ARFGEF3: variants seen among roughly 807,000 people sequenced by gnomAD.
The protein encoded by ARFGEF3 is brefeldin A-inhibited guanine nucleotide-exchange protein 3.
Under a neutral mutation model 221.7 loss-of-function variants are expected in ARFGEF3, and 96 were observed. That is an observed-to-expected ratio of 0.43 (90% confidence interval 0.37 to 0.51). The LOEUF (loss-of-function observed/expected upper bound fraction) is 0.51, where lower values mean the gene tolerates loss of function less well. Ranked by LOEUF, ARFGEF3 falls within the 20% of genes least tolerant of loss-of-function variation. ARFGEF3 has a pLI of 0.00. For missense variants in ARFGEF3, 2,410 were observed against 2,789.9 expected (o/e 0.86, Z 3.07); for synonymous variants, 1,145 against 1,126.8 (o/e 1.02, Z -0.32).
At chr6:138,197,240 A>G in intron 2 of ARFGEF3, among the ~76,000 whole-genome samples, 1 of 152,140 alleles carries the variant, frequency 6.6e-6, no homozygotes, top group East Asian at 1.9e-4. Flanking sequence ...ACTGTCTTCC[A>G]CCTCCATATC....
At chr6:138,163,697 G>A (rs943042561) in intron 1 of ARFGEF3, among the ~76,000 whole-genome samples, 1 of 152,158 alleles carries the variant, frequency 6.6e-6, no homozygotes, top group Non-Finnish European at 1.5e-5. Context: ...AAAGCCACTG[G>A]GGAGGCTGAG....
In ARFGEF3 at chr6:138,289,819, G is replaced by C; in HGVS notation, c.2898G>C (p.Val966=). ...TTAATAAATGTCTTTCTGGCACAGT[G>C]AAACTAAAAGTGGAGCAGAAACTGG... ...AQEPSDAITQ[V]KLKVEQKLEQ... The change falls in exon 18 of 34, where the codon GTG becomes GTC. Residue 966 remains valine, a splice_region_variant and synonymous_variant. Transcript: ENST00000251691. 5 of 1,613,280 alleles carry C rather than the reference G, an allele frequency of 3.1e-6. No homozygotes were observed. The highest frequency in any genetic ancestry group is 4.2e-6 in the Non-Finnish European group (5 of 1,179,558).
In ARFGEF3 at chr6:138,286,044, A is replaced by G. The variant is rs750555807; in HGVS notation, c.2560A>G (p.Thr854Ala). The G allele has an allele frequency of 6.3e-7, 1 of 1,596,340 alleles. No individual in the cohort carries two copies. Among genetic ancestry groups the G allele is most frequent in the Non-Finnish European group, 8.5e-7 (1 of 1,171,008 alleles). Reference sequence around the variant, plus strand: ...CCAGAGCAGGAGAATTGATGACTCCACAGTGGCAGGTAATGACTTGGGTCT... The same window carrying G: ...CCAGAGCAGGAGAATTGATGACTCCGCAGTGGCAGGTAATGACTTGGGTCT... ...FAQSRRIDDS[T>A]VAGVAFARYI... The change falls in exon 15 of 34, where the codon ACA (threonine) becomes GCA (alanine). Residue 854 changes from threonine (T) to alanine (A), a missense_variant. Coordinates refer to ENST00000251691, the MANE Select transcript of ARFGEF3 (RefSeq NM_020340.5).
chr6:138,171,878 A>G (rs1451165526), intron 2 of ARFGEF3, among the ~76,000 whole-genome samples: 1 of 152,140 alleles, frequency 6.6e-6, no homozygotes, highest in Non-Finnish European at 1.5e-5. Context: ...TTCATTTAGC[A>G]GTTTTCCTAT....
At position 138,226,165 on chromosome 6, in the gene ARFGEF3, A is replaced by G. The variant is rs369017953; in HGVS notation, c.352-3619A>G. Among the ~76,000 whole-genome samples the G allele has an allele frequency of 3.9e-5, 6 of 152,264 alleles. No homozygotes were observed. In the East Asian group the frequency reaches 1.2e-3, roughly 29 times the overall value. Reference sequence around the variant, plus strand: ...GACCAGGACATGTCCTTGGGAGAGGATTAATTCAGGATGTTCTTAAAAGAG... The same window carrying G: ...GACCAGGACATGTCCTTGGGAGAGGGTTAATTCAGGATGTTCTTAAAAGAG... On this transcript the variant is annotated intron_variant, in intron 4 of 33. Coordinates refer to ENST00000251691, the MANE Select transcript of ARFGEF3 (RefSeq NM_020340.5).
chr6:138,215,335 TA>T (rs1269920239), intron 4 of ARFGEF3, among the ~76,000 whole-genome samples: 1 of 152,136 alleles, frequency 6.6e-6, no homozygotes, highest in African/African-American at 2.4e-5. Flanking sequence ...GCTTTGGCGA[TA>T]AGGAAGGAGA....
intron 8 of ARFGEF3, among the ~76,000 whole-genome samples, chr6:138,248,344 G>C (rs931965317): frequency 2.6e-5 from 4 of 152,164 alleles, no homozygotes; most frequent in Admixed American, 6.5e-5. Flanking sequence ...GCCGGTGGCA[G>C]CCAGGTACTT....
Position 138,209,956 on chromosome 6 carries a change from A to G in ARFGEF3, c.266A>G (p.Asp89Gly). 6.2e-7 allele frequency: 1 copy of G among 1,613,880 alleles called. No homozygotes were observed. The highest frequency in any genetic ancestry group is 8.5e-7 in the Non-Finnish European group (1 of 1,179,820). The stretch of plus-strand genomic sequence containing the variant: ...TTTGTATCCATGGAAACAGATTCTG[A>G]TGAGAAGCAGCTGCTCAATCAGATA... The part of the protein sequence containing the change: ...ERFVSMETDS[D>G]EKQLLNQILN... Residue 89 changes from aspartate (D) to glycine (G), a missense_variant, in exon 4 of 34, where the codon GAT becomes GGT. By Grantham distance (94) the Asp-to-Gly change is moderately conservative. Transcript: ENST00000251691.
In ARFGEF3 at chr6:138,313,879, C is replaced by G; in HGVS notation, c.4285C>G (p.Gln1429Glu). 2 of 1,613,908 alleles carry G rather than the reference C, an allele frequency of 1.2e-6. No individual in the cohort carries two copies. The highest frequency in any genetic ancestry group is 1.7e-6 in the Non-Finnish European group (2 of 1,179,812). Reference sequence around the variant, plus strand: ...CGGCTTGCCTCGAAGACTTCAGGAACAGTCAGCCAGCAGTGAGGATGGAAT... The same window carrying G: ...CGGCTTGCCTCGAAGACTTCAGGAAGAGTCAGCCAGCAGTGAGGATGGAAT... The part of the protein sequence containing the change: ...LAGLPRRLQE[Q>E]SASSEDGIES... Residue 1429 changes from glutamine (Q) to glutamate (E), a missense_variant, in exon 26 of 34, where the codon CAG becomes GAG. Gln to Glu is a conservative substitution (Grantham distance 29). Around this residue, in one of 5 missense-constraint regions of ARFGEF3, gnomAD observed 723 missense variants for 991.9 expected, o/e 0.73. Transcript: ENST00000251691.
rs950991430 is a variant in ARFGEF3 at position 138,337,015 on chromosome 6, TAATC to T, written c.*532_*535del. 2.6e-5 allele frequency: 4 copies of T among 152,672 alleles called. No homozygotes were observed. The highest frequency in any genetic ancestry group is 3.8e-4 in the East Asian group (2 of 5,200). The allele number at this position is 152,672 out of a possible 1,614,324, so 9.5% of individuals were successfully genotyped here. ...TATAAATACATATTCTTGGGTGTCA[TAATC>T]AAGAAAGAGGTGACTTCTGTTGTAA... On this transcript the variant is annotated 3_prime_UTR_variant, in exon 34 of 34. Coordinates refer to ENST00000251691, the MANE Select transcript of ARFGEF3 (RefSeq NM_020340.5).
chr6:138,218,337 A>C, intron 4 of ARFGEF3: 1 of 1,555,994 alleles, frequency 6.4e-7, no homozygotes, highest in South Asian at 1.2e-5. Context: ...TCTGATCTGT[A>C]AAATGTGAAT....
At chr6:138,209,572 C>T (rs371711800) in intron 3 of ARFGEF3, among the ~76,000 whole-genome samples, 1 of 152,142 alleles carries the variant, frequency 6.6e-6, no homozygotes, top group African/African-American at 2.4e-5. Flanking sequence ...GCCTCAGCCT[C>T]CCGAGTAGCT....
intron 9 of ARFGEF3, among the ~76,000 whole-genome samples, chr6:138,254,245 C>T (rs776886209): frequency 2.3e-4 from 35 of 151,718 alleles, no homozygotes; most frequent in Non-Finnish European, 3.5e-4. Flanking sequence ...GATGAAACCT[C>T]GTCTCTCCTA....
At chr6:138,246,840 A>G (rs182516241) in intron 8 of ARFGEF3, among the ~76,000 whole-genome samples, 49 of 152,314 alleles carry the variant, frequency 3.2e-4, no homozygotes, top group Middle Eastern at 6.8e-3. Context: ...TGAGTAGCTT[A>G]CAGCTGCTCT....
At chr6:138,222,296 A>T (rs1408713864) in intron 4 of ARFGEF3, among the ~76,000 whole-genome samples, 1 of 152,242 alleles carries the variant, frequency 6.6e-6, no homozygotes, top group African/African-American at 2.4e-5. Context: ...GTTTTAAGAA[A>T]GTTTACGAAT....
intron 22 of ARFGEF3, among the ~76,000 whole-genome samples, chr6:138,305,347 T>A (rs569298253): frequency 8.6e-5 from 13 of 151,950 alleles, no homozygotes; most frequent in Admixed American, 2.0e-4. Context: ...ACACCTGTAA[T>A]CCCAGAATTT....
chr6:138,281,099 G>A (rs1411246573), intron 14 of ARFGEF3, among the ~76,000 whole-genome samples: 1 of 152,150 alleles, frequency 6.6e-6, no homozygotes, highest in Non-Finnish European at 1.5e-5. Flanking sequence ...AAGGAAAAAT[G>A]AGGAGGATTT....
rs371254863 is a variant in ARFGEF3, at chr6:138,232,738, T to C, written c.420+2886T>C. Among the ~76,000 whole-genome samples, 7 of 152,258 alleles carry C rather than the reference T, an allele frequency of 4.6e-5. No individual in the cohort carries two copies. The South Asian group carries it at 1.5e-3, about 32-fold the overall frequency. On this transcript the variant is annotated intron_variant, in intron 5 of 33. Transcript: ENST00000251691. ...ATTCTAATATACTGGTTAATAATAA[T>C]AGCTACTAGTCACTGAGTGCCTAAG...
chr6:138,301,265 A>G (rs1779624330), intron 22 of ARFGEF3, among the ~76,000 whole-genome samples: 1 of 152,256 alleles, frequency 6.6e-6, no homozygotes, highest in South Asian at 2.1e-4. Context: ...AAAGCAGACA[A>G]CAAATTGAGT....
Sources: gnomAD v4.1 joint callset for allele counts (sites outside exome capture counted in the v4.1 genomes callset) on GRCh38, gnomAD v4.1.1 for gene constraint, gnomAD v4.1.1 regional missense constraint, MANE v1.5 for transcripts, NCBI Gene and HGNC (gene_info 2026-07-23, HGNC 2026-07-21) for gene names.